The following SPTSSB variants were observed in gnomAD, a reference collection of about 807,000 sequenced individuals.
SPTSSB encodes the protein androgen down regulated in mouse prostate.
Under a neutral mutation model 7.7 loss-of-function variants are expected in SPTSSB, and 6 were observed. That is an observed-to-expected ratio of 0.78 (90% confidence interval 0.43 to 1.54). The LOEUF is 1.54. Among genes scored for constraint, SPTSSB ranks in the 40% most tolerant of loss-of-function variants. The pLI, the probability that SPTSSB is intolerant of heterozygous loss-of-function variation, is 0.01. For synonymous variants in SPTSSB, 28 were observed against 29.7 expected, an observed-to-expected ratio of 0.94 and a Z score of 0.19; for missense variants, 91 against 93.0, an observed-to-expected ratio of 0.98 and a Z score of 0.09.
chr3:161,357,055 A>G (rs2108161596), intron 2 of SPTSSB, among the ~76,000 whole-genome samples: 1 of 152,312 alleles, frequency 6.6e-6, no homozygotes, highest in Admixed American at 6.5e-5. Context: ...CCATAGAGAC[A>G]CGCATAGCGT....
chr3:161,351,240 G>A (rs569417909), intron 2 of SPTSSB, among the ~76,000 whole-genome samples: 5 of 152,154 alleles, frequency 3.3e-5, no homozygotes, highest in Non-Finnish European at 7.4e-5. Flanking sequence ...TAATGAATAT[G>A]TTATACTAAT....
At chr3:161,361,604 T>C (rs1209787168) in intron 1 of SPTSSB, among the ~76,000 whole-genome samples, 1 of 152,230 alleles carries the variant, frequency 6.6e-6, no homozygotes, top group Non-Finnish European at 1.5e-5. Flanking sequence ...CAATTATTTC[T>C]GCATTATTGT....
rs1714141305 is a variant in SPTSSB, at chr3:161,344,968, A to G, written c.*1125T>C. On this transcript the variant is annotated 3_prime_UTR_variant, in exon 3 of 3. Coordinates refer to ENST00000620149, the MANE Select transcript of SPTSSB (RefSeq NM_001040100.2). Reference sequence around the variant, plus strand: ...AAAAATTTTTTTCATAACACAAACAAGGGTGCAAATATTGTCCAAACCTAT... The same window carrying G: ...AAAAATTTTTTTCATAACACAAACAGGGGTGCAAATATTGTCCAAACCTAT... 6.6e-6 allele frequency: 1 copy of G among 152,616 alleles called. No homozygotes were observed. The highest frequency in any genetic ancestry group is 1.5e-5 in the Non-Finnish European group (1 of 68,032). 9.5% of individuals were successfully genotyped at this position (152,616 alleles called of 1,614,324 possible).
In SPTSSB at chr3:161,345,932, A is replaced by G; in HGVS notation, c.*161T>C. ...CATGTGCAAAAGAAACTAAAGAGAC[A>G]TGTATTTCAAACTCCAGGCAGAAAG... On this transcript the variant is annotated 3_prime_UTR_variant, in exon 3 of 3. Transcript: ENST00000620149. The G allele has an allele frequency of 1.7e-6, 1 of 573,310 alleles. No individual in the cohort carries two copies. Among genetic ancestry groups the G allele is most frequent in the Non-Finnish European group, 3.1e-6 (1 of 320,432 alleles). The allele number at this position is 573,310 out of a possible 1,614,324, so 35.5% of individuals were successfully genotyped here. A position where few individuals can be genotyped will look rare whatever the true frequency, so the allele number is the denominator to read the frequency against.
chr3:161,351,293 C>T (rs982322974), intron 2 of SPTSSB, among the ~76,000 whole-genome samples: 1 of 152,156 alleles, frequency 6.6e-6, no homozygotes, highest in South Asian at 2.1e-4. Context: ...TATATGGGAA[C>T]TCCCTGTATT....
chr3:161,369,312 TTC>T (rs371310297), intron 1 of SPTSSB, among the ~76,000 whole-genome samples: 8,267 of 54,006 alleles, frequency 0.15, 487 homozygotes, highest in South Asian at 0.31. Flanking sequence ...CTTTCTTTCT[TTC>T]TCTTTCTTTC....
Position 161,359,841 on chromosome 3 carries a change from C to A in SPTSSB, c.-72G>T, listed in dbSNP as rs1468813285. The A allele has an allele frequency of 1.0e-6, 1 of 977,642 alleles. No individual in the cohort carries two copies. The highest frequency in any genetic ancestry group is 1.1e-4 in the East Asian group (1 of 8,772). 60.6% of individuals were successfully genotyped at this position (977,642 alleles called of 1,614,324 possible). ...GTCTGGTTCTTCAGCCTTGCTCCTT[C>A]ACGAAATGATCCTGTGTGGGTTAGT... On this transcript the variant is annotated 5_prime_UTR_variant, in exon 2 of 3. Transcript: ENST00000620149.
intron 1 of SPTSSB, among the ~76,000 whole-genome samples, chr3:161,365,335 C>A (rs1576902579): frequency 6.6e-6 from 1 of 152,198 alleles, no homozygotes; most frequent in East Asian, 1.9e-4. Flanking sequence ...CCTTAGGCTG[C>A]TTTCTAGAGA....
chr3:161,368,593 A>AT (rs1222982210), intron 1 of SPTSSB, among the ~76,000 whole-genome samples: 3 of 151,408 alleles, frequency 2.0e-5, no homozygotes, highest in South Asian at 2.1e-4. Flanking sequence ...CGCCCGGCTA[A>AT]TTTTTTGTAT....
intron 1 of SPTSSB, among the ~76,000 whole-genome samples, chr3:161,360,598 AG>A (rs1364494238): frequency 6.6e-6 from 1 of 152,186 alleles, no homozygotes; most frequent in Admixed American, 6.5e-5. Flanking sequence ...TTCAGTAGTT[AG>A]CCCCAGATTT....
In SPTSSB at chr3:161,346,198, A is replaced by G; in HGVS notation, c.126T>C (p.Ile42=). 6.2e-7 allele frequency: 1 copy of G among 1,610,510 alleles called. No homozygotes were observed. The highest frequency in any genetic ancestry group is 1.1e-5 in the South Asian group (1 of 91,012). Residue 42 remains isoleucine, a synonymous_variant, in exon 3 of 3, where the codon ATT becomes ATC. Transcript: ENST00000620149. ...CATAGGCAGTGTATACCACCATAGC[A>G]ATAATGGTTAGTAAGATGGTGTTAA... ...SMFNTILLTI[I]AMVVYTAYVF... is the part of the protein sequence containing the mutation.
At chr3:161,364,717 T>A (rs1715149669) in intron 1 of SPTSSB, among the ~76,000 whole-genome samples, 1 of 151,978 alleles carries the variant, frequency 6.6e-6, no homozygotes, top group Non-Finnish European at 1.5e-5. Context: ...ATTTTCTACT[T>A]CTTCATCAGT....
chr3:161,369,823 A>G (rs1285034899), intron 1 of SPTSSB, among the ~76,000 whole-genome samples: 4 of 152,182 alleles, frequency 2.6e-5, no homozygotes, highest in Admixed American at 6.5e-5. Context: ...CATCACACTC[A>G]ACTGGAGAGG....
rs149407620 is a variant in SPTSSB, at chr3:161,350,532, T to G, written c.-32-4177A>C. On this transcript the variant is annotated intron_variant, in intron 2 of 2. Coordinates refer to ENST00000620149, the MANE Select transcript of SPTSSB (RefSeq NM_001040100.2). ...TCAATCACTCAGCTTCATTTTTTTT[T>G]TGTGCTTCATATTTGGAACCTGAAA... is the stretch of plus-strand genomic sequence containing the variant. Among the ~76,000 whole-genome samples the G allele has an allele frequency of 9.8e-4, 149 of 152,278 alleles. 1 individual carries two copies. Among genetic ancestry groups the G allele is most frequent in the Non-Finnish European group, 1.7e-3 (115 of 68,016 alleles).
chr3:161,354,342 AT>A (rs1254458586), intron 2 of SPTSSB, among the ~76,000 whole-genome samples: 1 of 152,110 alleles, frequency 6.6e-6, no homozygotes, highest in Non-Finnish European at 1.5e-5. Context: ...ACCTTATTTT[AT>A]TTATGCATTT....
chr3:161,368,322 T>G (rs555911814), intron 1 of SPTSSB, among the ~76,000 whole-genome samples: 2 of 152,230 alleles, frequency 1.3e-5, no homozygotes, highest in Non-Finnish European at 2.9e-5. Flanking sequence ...TTTAGTATAT[T>G]TACAGTATTG....
chr3:161,362,010 T>C (rs1715037520), intron 1 of SPTSSB, among the ~76,000 whole-genome samples: 1 of 152,144 alleles, frequency 6.6e-6, no homozygotes. Flanking sequence ...GCCAACCTGA[T>C]TGATTTATTT....
intron 2 of SPTSSB, among the ~76,000 whole-genome samples, chr3:161,356,895 T>C (rs1714791615): frequency 6.6e-6 from 1 of 151,970 alleles, no homozygotes; most frequent in Non-Finnish European, 1.5e-5. Flanking sequence ...GGTGGGAGGA[T>C]CGCTTGAGCC....
At chr3:161,369,946 A>T (rs463928) in intron 1 of SPTSSB, among the ~76,000 whole-genome samples, 91,922 of 152,098 alleles carry the variant, frequency 0.6, 29,188 homozygotes, top group East Asian at 0.96. Flanking sequence ...TAGGACAATT[A>T]CCAGGAACTT....
Sources: allele counts gnomAD v4.1 joint callset (sites outside exome capture counted in the v4.1 genomes callset), GRCh38; gene constraint gnomAD v4.1.1; transcripts MANE v1.5; gene names NCBI Gene and HGNC (gene_info 2026-07-23, HGNC 2026-07-21).